The following PIEZO1 variants were observed in gnomAD, a reference collection of about 807,000 sequenced individuals.
PIEZO1 encodes piezo-type mechanosensitive ion channel component 1.
Under a neutral mutation model 297.2 loss-of-function variants are expected in PIEZO1, and 296 were observed. The observed-to-expected ratio is 1.00, with a 90% CI of 0.91 to 1.10. The LOEUF (loss-of-function observed/expected upper bound fraction) is 1.10, where lower values mean the gene tolerates loss of function less well. PIEZO1 is among the 50% of genes least tolerant of loss of function. The pLI, the probability that PIEZO1 is intolerant of heterozygous loss-of-function variation, is 0.00. For synonymous variants in PIEZO1, 2,427 were observed against 1,507.5 expected, an observed-to-expected ratio of 1.61 and a Z score of -14.13; for missense variants, 5,018 against 3,455.5, an observed-to-expected ratio of 1.45 and a Z score of -11.34.
chr16:88,736,021 G>C, intron 12 of PIEZO1, 127 bp downstream of exon 12: 2 of 949,674 alleles, frequency 2.1e-6, no homozygotes, highest in Non-Finnish European at 3.1e-6. Flanking sequence ...GTGGGCAGAA[G>C]GGGACAGACA....
chr16:88,777,852 C>A (rs1237485935), intron 1 of PIEZO1, among the ~76,000 whole-genome samples: 1 of 152,030 alleles, frequency 6.6e-6, no homozygotes, highest in Non-Finnish European at 1.5e-5. Context: ...CAAACCCACG[C>A]CTGTGCCTTC....
Position 88,724,483 on chromosome 16 carries a change from A to G in PIEZO1, c.4235-512T>C, listed in dbSNP as rs981813683. Reference sequence around the variant, plus strand: ...GAGGTGGGGGTTGTAGTGAGCCGCAATCACGCCATTGCACTGTAGCCTGGG... The same window carrying G: ...GAGGTGGGGGTTGTAGTGAGCCGCAGTCACGCCATTGCACTGTAGCCTGGG... On this transcript the variant is annotated intron_variant, in intron 30 of 50. Transcript: ENST00000301015. Among the ~76,000 whole-genome samples, 15 of 151,050 alleles carry G rather than the reference A, an allele frequency of 9.9e-5. No homozygotes were observed. The East Asian group carries it at 2.3e-3, about 24-fold the overall frequency.
In PIEZO1 at chr16:88,720,081, G is replaced by C. The variant is rs1315104132; in HGVS notation, c.6152C>G (p.Ala2051Gly). 1 of 1,550,354 alleles carries C rather than the reference G, an allele frequency of 6.5e-7. No homozygotes were observed. Among genetic ancestry groups the C allele is most frequent in the South Asian group, 1.2e-5 (1 of 84,066 alleles). The part of the protein sequence containing the change: ...IHLWMFFILP[A>G]VTERMFNQNV... ...CGCGTGGGCCCACCTCTCAGTGACG[G>C]CGGGCAGGATGAAGAACATCCATAG... Residue 2051 changes from alanine (A) to glycine (G), a missense_variant, in exon 42 of 51, where the codon GCC becomes GGC. Transcript: ENST00000301015.
chr16:88,732,270 T>C, intron 21 of PIEZO1, 65 bp downstream of exon 21: 1 of 1,400,456 alleles, frequency 7.1e-7, no homozygotes, highest in Non-Finnish European at 9.8e-7. Context: ...GCCTGCACGG[T>C]GCAGCCGTCC....
chr16:88,754,580 C>T (rs1438028090), intron 1 of PIEZO1, among the ~76,000 whole-genome samples: 1 of 152,184 alleles, frequency 6.6e-6, no homozygotes, highest in Non-Finnish European at 1.5e-5. Context: ...CTGAACCAAG[C>T]CTGACGAGGC....
At chr16:88,759,961 T>A (rs1190123599) in intron 1 of PIEZO1, among the ~76,000 whole-genome samples, 2 of 152,088 alleles carry the variant, frequency 1.3e-5, no homozygotes, top group African/African-American at 4.8e-5. Context: ...CCAGCCACCC[T>A]GGCATCCGGG....
At chr16:88,722,179 G>T in intron 36 of PIEZO1, 39 bp downstream of exon 36, 7 of 1,533,482 alleles carry the variant, frequency 4.6e-6, no homozygotes, top group Non-Finnish European at 6.1e-6. Flanking sequence ...CTCCCCGAGG[G>T]CCATGGTGAG....
intron 1 of PIEZO1, among the ~76,000 whole-genome samples, chr16:88,766,859 C>G (rs936993296): frequency 6.6e-6 from 1 of 152,252 alleles, no homozygotes; most frequent in Non-Finnish European, 1.5e-5. Context: ...GCCGGGGCCA[C>G]CCCAGGTTGG....
At chr16:88,722,176 AG>A in intron 36 of PIEZO1, 41 bp downstream of exon 36, 1 of 1,531,534 alleles carries the variant, frequency 6.5e-7, no homozygotes, top group Non-Finnish European at 8.8e-7. Context: ...CTGCTCCCCG[AG>A]GGCCATGGTG....
At chr16:88,777,698 C>G (rs1363139017) in intron 1 of PIEZO1, among the ~76,000 whole-genome samples, 1 of 152,238 alleles carries the variant, frequency 6.6e-6, no homozygotes, top group African/African-American at 2.4e-5. Flanking sequence ...GGAGCGAGGG[C>G]CGCGTGGTGG....
Position 88,738,652 on chromosome 16 carries a change from G to C in PIEZO1, c.550C>G (p.Leu184Val), listed in dbSNP as rs2142835109. The C allele has an allele frequency of 6.5e-7, 1 of 1,535,728 alleles. No individual in the cohort carries two copies. Among genetic ancestry groups the C allele is most frequent in the Non-Finnish European group, 8.7e-7 (1 of 1,146,760 alleles). The change falls in exon 6 of 51, where the codon CTG becomes GTG. Residue 184 changes from leucine to valine, a missense_variant. Coordinates refer to ENST00000301015, the MANE Select transcript of PIEZO1 (RefSeq NM_001142864.4). ...ATLAPTRRSR[L>V]AARFRVTAHW... is the part of the protein sequence containing the mutation. ...GCCGTGACTCGGAAACGAGCGGCCA[G>C]CCGTGACCTCCGTGTAGGGGCCAGC...
intron 23 of PIEZO1, 50 bp downstream of exon 23, chr16:88,727,507 A>T: frequency 1.4e-6 from 1 of 715,950 alleles, no homozygotes; most frequent in South Asian, 1.8e-5. Flanking sequence ...GGGGGCGTGA[A>T]TGTACTCTGA....
intron 1 of PIEZO1, among the ~76,000 whole-genome samples, chr16:88,770,281 G>A (rs1188736860): frequency 6.6e-6 from 1 of 152,100 alleles, no homozygotes; most frequent in Non-Finnish European, 1.5e-5. Context: ...TCAGCCTGAT[G>A]CCTGTGCACA....
In PIEZO1 at chr16:88,721,428, G is replaced by C. The variant is rs1912443847; in HGVS notation, c.5406C>G (p.Cys1802Trp). The C allele has an allele frequency of 6.5e-7, 1 of 1,546,600 alleles. No individual in the cohort carries two copies. The highest frequency in any genetic ancestry group is 8.7e-7 in the Non-Finnish European group (1 of 1,144,170). Residue 1802 changes from cysteine (C) to tryptophan (W), a missense_variant and splice_region_variant, in exon 39 of 51, where the codon TGC becomes TGG. Physicochemically the swap from Cys to Trp is radical, Grantham distance 215 (BLOSUM62 -2). Coordinates refer to ENST00000301015, the MANE Select transcript of PIEZO1 (RefSeq NM_001142864.4). ...ALFFHRSQLL[C>W]YGLWDHEEDS... ...CCTCCTCATGGTCCCAGAGGCCATA[G>C]CACTGAGGGGCGGGAGGGTGTGGTG...
rs2879906 is a variant in PIEZO1 at position 88,736,086 on chromosome 16, G to A, written c.1557+62C>T. On this transcript the variant is annotated intron_variant, in intron 12 of 50. Coordinates refer to ENST00000301015, the MANE Select transcript of PIEZO1 (RefSeq NM_001142864.4). ...CCCCCGGGCAAGTGGACATTGAACA[G>A]GACGACAACCCTGATGGGTCTGCGC... The A allele has an allele frequency of 0.21, 309,746 of 1,461,038 alleles. 36,918 individuals carry two copies. Among genetic ancestry groups the A allele is most frequent in the East Asian group, 0.56 (22,362 of 40,066 alleles). 90.5% of individuals were successfully genotyped at this position (1,461,038 alleles called of 1,614,324 possible). A position where few individuals can be genotyped will look rare whatever the true frequency, so the allele number is the denominator to read the frequency against.
intron 1 of PIEZO1, among the ~76,000 whole-genome samples, chr16:88,762,833 G>C (rs1046012703): frequency 1.3e-5 from 2 of 152,186 alleles, no homozygotes; most frequent in South Asian, 4.1e-4. Flanking sequence ...AGCTGAGAAG[G>C]ACAGCCACAA....
At chr16:88,753,631 G>T (rs577290888) in intron 1 of PIEZO1, among the ~76,000 whole-genome samples, 117 of 152,298 alleles carry the variant, frequency 7.7e-4, no homozygotes, top group African/African-American at 2.7e-3. Flanking sequence ...TCCCAAGAGT[G>T]GTCAGGACCC....
At chr16:88,732,080 G>A (rs923923118) in intron 21 of PIEZO1, among the ~76,000 whole-genome samples, 170 bp from the exon 22 acceptor site, 5 of 149,816 alleles carry the variant, frequency 3.3e-5, no homozygotes, top group Non-Finnish European at 7.4e-5. Flanking sequence ...GCTGGCAGTT[G>A]CCATCGTGCA....
chr16:88,723,506 C>T (rs1029300795), intron 31 of PIEZO1, among the ~76,000 whole-genome samples, 178 bp from the exon 32 acceptor site: 8 of 152,276 alleles, frequency 5.3e-5, no homozygotes, highest in African/African-American at 1.2e-4. Flanking sequence ...GGAAGACTCC[C>T]ACCCATTCAG....
Sources: allele counts gnomAD v4.1 joint callset (sites outside exome capture counted in the v4.1 genomes callset), GRCh38; gene constraint gnomAD v4.1.1; transcripts MANE v1.5; gene names NCBI Gene and HGNC (gene_info 2026-07-23, HGNC 2026-07-21).